Variants in KCNMA1 observed in about 807,000 individuals in gnomAD.
KCNMA1 encodes potassium calcium-activated channel subfamily M alpha 1.
A neutral mutation model predicts 140.0 loss-of-function variants in KCNMA1; 29 were observed. The observed-to-expected ratio is 0.21, with a 90% CI of 0.15 to 0.28. The LOEUF (loss-of-function observed/expected upper bound fraction) is 0.28, where lower values mean the gene tolerates loss of function less well. KCNMA1 is among the 10% of genes least tolerant of loss of function. The pLI, the probability that KCNMA1 is intolerant of heterozygous loss-of-function variation, is 1.00. For synonymous variants in KCNMA1, 612 were observed against 611.9 expected, an observed-to-expected ratio of 1.00 and a Z score of 0.00; for missense variants, 880 against 1,602.2, an observed-to-expected ratio of 0.55 and a Z score of 7.70.
At position 76,895,744 on chromosome 10, in the gene KCNMA1, G is replaced by C. The variant is rs183880865; in HGVS notation, c.3148-4025C>G. On this transcript the variant is annotated intron_variant, in intron 25 of 27. Coordinates refer to ENST00000286628, the MANE Select transcript of KCNMA1 (RefSeq NM_001161352.2). ...TTTCCTTAAGTGTCGGCCAGTCTGA[G>C]AAATAAAGGGAAAGAGTACAAAAGG... Among the ~76,000 whole-genome samples, 414 of 152,288 alleles carry C rather than the reference G, an allele frequency of 2.7e-3. 3 individuals are homozygous for C. Among genetic ancestry groups the C allele is most frequent in the Admixed American group, 4.4e-3 (67 of 15,302 alleles).
chr10:77,412,956 C>G (rs951289704), intron 1 of KCNMA1, among the ~76,000 whole-genome samples: 5 of 152,224 alleles, frequency 3.3e-5, no homozygotes, highest in African/African-American at 1.2e-4. Context: ...CTCCCAGGTT[C>G]AAGTGATTCT....
At chr10:77,494,319 A>C (rs1015804741) in intron 1 of KCNMA1, among the ~76,000 whole-genome samples, 3 of 152,188 alleles carry the variant, frequency 2.0e-5, no homozygotes, top group Non-Finnish European at 4.4e-5. Context: ...CTGAATAGGT[A>C]CTTAGGACAT....
intron 1 of KCNMA1, among the ~76,000 whole-genome samples, chr10:77,470,489 A>G (rs960369555): frequency 6.6e-6 from 1 of 152,044 alleles, no homozygotes; most frequent in Non-Finnish European, 1.5e-5. Flanking sequence ...CTGCCGGAAG[A>G]TCCTGTCCCC....
At chr10:77,627,961 A>G (rs1348034897) in intron 1 of KCNMA1, among the ~76,000 whole-genome samples, 4 of 152,156 alleles carry the variant, frequency 2.6e-5, no homozygotes, top group East Asian at 1.9e-4. Flanking sequence ...TTTGTTGTCT[A>G]CTAATCTACA....
At chr10:77,171,756 A>T (rs147377483) in intron 5 of KCNMA1, among the ~76,000 whole-genome samples, 4 of 152,186 alleles carry the variant, frequency 2.6e-5, no homozygotes, top group African/African-American at 9.6e-5. Flanking sequence ...GAACTCCAAC[A>T]TTTTTATTTC....
chr10:77,552,582 C>G (rs1376178414), intron 1 of KCNMA1, among the ~76,000 whole-genome samples: 1 of 152,176 alleles, frequency 6.6e-6, no homozygotes, highest in Non-Finnish European at 1.5e-5. Flanking sequence ...GCTCTCTGCT[C>G]CCCTTTGGAC....
chr10:77,027,749 G>A, intron 16 of KCNMA1, 74 bp downstream of exon 16: 2 of 1,190,550 alleles, frequency 1.7e-6, no homozygotes, highest in Admixed American at 3.4e-5. Flanking sequence ...GAAAGCAGAA[G>A]TGAACCGACC....
At chr10:77,380,876 T>C (rs750907256) in intron 2 of KCNMA1, among the ~76,000 whole-genome samples, 17 of 152,236 alleles carry the variant, frequency 1.1e-4, no homozygotes, top group Non-Finnish European at 2.4e-4. Context: ...GTGGATGTGG[T>C]GAAATGAAAT....
chr10:77,461,691 T>C (rs1295350690), intron 1 of KCNMA1, among the ~76,000 whole-genome samples: 1 of 152,170 alleles, frequency 6.6e-6, no homozygotes, highest in Admixed American at 6.5e-5. Context: ...TTGCCCCAAC[T>C]AGACAGGTCT....
intron 2 of KCNMA1, among the ~76,000 whole-genome samples, chr10:77,270,676 CA>C (rs1352838416): frequency 2.8e-5 from 4 of 142,230 alleles, no homozygotes; most frequent in African/African-American, 1.1e-4. Context: ...TGCACACCAC[CA>C]CACCTAGCTA....
intron 1 of KCNMA1, among the ~76,000 whole-genome samples, chr10:77,532,747 A>G (rs539343644): frequency 2.6e-5 from 4 of 152,070 alleles, no homozygotes; most frequent in South Asian, 2.1e-4. Context: ...CAAGCAAGAC[A>G]TAAAGAAGCA....
chr10:77,030,317 G>A (rs1368168161), intron 15 of KCNMA1, among the ~76,000 whole-genome samples: 1 of 152,168 alleles, frequency 6.6e-6, no homozygotes, highest in African/African-American at 2.4e-5. Flanking sequence ...AAAGAGCACT[G>A]CTAACATGCA....
At chr10:77,543,576 G>T (rs1210689027) in intron 1 of KCNMA1, among the ~76,000 whole-genome samples, 1 of 152,132 alleles carries the variant, frequency 6.6e-6, no homozygotes, top group African/African-American at 2.4e-5. Flanking sequence ...AATGTTTAAT[G>T]CTATAGAAGA....
At chr10:77,588,232 T>G (rs1357838108) in intron 1 of KCNMA1, among the ~76,000 whole-genome samples, 2 of 152,176 alleles carry the variant, frequency 1.3e-5, no homozygotes. Context: ...AAAAGAGACC[T>G]GCAAGGGCAG....
intron 2 of KCNMA1, among the ~76,000 whole-genome samples, chr10:77,353,641 G>A (rs1566184549): frequency 6.6e-6 from 1 of 151,816 alleles, no homozygotes; most frequent in Admixed American, 6.6e-5. Flanking sequence ...TGAGTTAAAT[G>A]AGGATTAATC....
chr10:76,964,136 C>T (rs1006564150), intron 20 of KCNMA1, among the ~76,000 whole-genome samples: 9 of 151,862 alleles, frequency 5.9e-5, no homozygotes, highest in Admixed American at 2.6e-4. Context: ...CCCGAGACAC[C>T]ACTGCCCACC....
chr10:76,871,605 A>G (rs1401587743), exon 28 of KCNMA1: 2 of 152,224 alleles, frequency 1.3e-5, no homozygotes, highest in Non-Finnish European at 2.9e-5. Flanking sequence ...TCTTCCTCTA[A>G]TAGTCTTACC....
intron 1 of KCNMA1, among the ~76,000 whole-genome samples, chr10:77,601,707 C>T (rs1299873078): frequency 6.6e-6 from 1 of 152,138 alleles, no homozygotes; most frequent in Non-Finnish European, 1.5e-5. Context: ...ACCATGGTGT[C>T]TCCTCTCCCC....
intron 1 of KCNMA1, among the ~76,000 whole-genome samples, chr10:77,573,199 C>CTCAG (rs1351443757): frequency 1.1e-4 from 16 of 152,298 alleles, no homozygotes; most frequent in African/African-American, 3.8e-4. Context: ...CACTCTGATT[C>CTCAG]TCAGAAGGGG....
Sources: allele counts gnomAD v4.1 joint callset (sites outside exome capture counted in the v4.1 genomes callset), GRCh38; gene constraint gnomAD v4.1.1; transcripts MANE v1.5; gene names NCBI Gene and HGNC (gene_info 2026-07-23, HGNC 2026-07-21).